TMEM67: variants seen among roughly 807,000 people sequenced by gnomAD.
TMEM67 encodes the protein meckelin.
TMEM67 carries 124 observed loss-of-function variants against 136.6 expected under a neutral mutation model. The ratio of observed to expected loss-of-function variants is 0.91; its 90% CI spans 0.78 to 1.05. The LOEUF (loss-of-function observed/expected upper bound fraction) is 1.05. Ranked by LOEUF, TMEM67 falls within the 50% of genes least tolerant of loss-of-function variation. The pLI is 0.00. For synonymous variants in TMEM67, 364 were observed against 390.5 expected, an observed-to-expected ratio of 0.93 and a Z score of 0.80; for missense variants, 1,107 against 1,178.4, an observed-to-expected ratio of 0.94 and a Z score of 0.89.
rs1443252118 is a variant in TMEM67 at position 93,781,668 on chromosome 8, T to C, written c.989T>C (p.Leu330Pro). The C allele has an allele frequency of 1.9e-6, 3 of 1,595,590 alleles. No homozygotes were observed. The highest frequency in any genetic ancestry group is 3.4e-5 in the Admixed American group (2 of 59,158). ...GTTTTCTTTAATCAGAATACAAAAC[T>C]GAAGTTTGTTGCTGCTTCCTATGAT... ...SFKGENQNTK[L>P]KFVAASYDIR... is the part of the protein sequence containing the mutation. The change falls in exon 10 of 28, where the codon CTG becomes CCG. Residue 330 changes from leucine (L) to proline (P), a missense_variant. Around this residue, in one of 3 missense-constraint regions of TMEM67, gnomAD observed 925 missense variants for 1,002.4 expected, o/e 0.92. Coordinates refer to ENST00000453321, the MANE Select transcript of TMEM67 (RefSeq NM_153704.6).
At chr8:93,797,495 A>C (rs755090356) in intron 20 of TMEM67, 25 bp downstream of exon 20, 11 of 1,605,358 alleles carry the variant, frequency 6.9e-6, no homozygotes, top group Middle Eastern at 1.9e-4. Flanking sequence ...ATGTGATTAT[A>C]TGCGACTTAC....
At chr8:93,826,944 G>T in the TMEM67 span, among the ~76,000 whole-genome samples, 1 of 151,886 alleles carries the variant, frequency 6.6e-6, no homozygotes, top group Non-Finnish European at 1.5e-5. Context: ...ATTCTCCTTC[G>T]TCAGCCTCCC....
At chr8:93,777,015 GCCTCAATTT>G (rs1159343390) in intron 7 of TMEM67, among the ~76,000 whole-genome samples, 1 of 152,098 alleles carries the variant, frequency 6.6e-6, no homozygotes, top group African/African-American at 2.4e-5. Context: ...ATTGATTATT[GCCTCAATTT>G]CAGATGCTGT....
chr8:93,811,330 GAC>G (rs1229222942), intron 26 of TMEM67: 1 of 84,636 alleles, frequency 1.2e-5, no homozygotes, highest in African/African-American at 3.7e-5. Flanking sequence ...AAGAGGCAAA[GAC>G]ATTCATGCAG....
intron 7 of TMEM67, among the ~76,000 whole-genome samples, chr8:93,780,375 C>G (rs1427397390): frequency 6.6e-6 from 1 of 152,104 alleles, no homozygotes; most frequent in African/African-American, 2.4e-5. Flanking sequence ...ATGGGCTGCA[C>G]CCACTGTCCA....
chr8:93,763,251 A>G (rs981445952), intron 3 of TMEM67, among the ~76,000 whole-genome samples: 6 of 152,154 alleles, frequency 3.9e-5, no homozygotes, highest in Admixed American at 3.3e-4. Flanking sequence ...TTTTTAATAT[A>G]TTCCATAGTA....
the TMEM67 span, among the ~76,000 whole-genome samples, chr8:93,832,638 G>T: frequency 6.6e-6 from 1 of 152,146 alleles, no homozygotes; most frequent in Non-Finnish European, 1.5e-5. Context: ...GGAGGCCAAG[G>T]CAGGCGGATC....
At chr8:93,813,210 G>A (rs976423078) in intron 26 of TMEM67, among the ~76,000 whole-genome samples, 2 of 150,910 alleles carry the variant, frequency 1.3e-5, no homozygotes, top group Admixed American at 6.6e-5. Flanking sequence ...ATGGAGTCTC[G>A]CTCTGTTGTC....
chr8:93,791,106 C>G (rs1814355554), intron 14 of TMEM67, 157 bp from the exon 15 acceptor site: 2 of 581,924 alleles, frequency 3.4e-6, no homozygotes, highest in Non-Finnish European at 6.2e-6. Flanking sequence ...AAAAGCATAT[C>G]TATTTACGTG....
In TMEM67 at chr8:93,785,331, C is replaced by T. The variant is rs771570446; in HGVS notation, c.1241C>T (p.Pro414Leu). 6.2e-7 allele frequency: 1 copy of T among 1,611,026 alleles called. No individual in the cohort carries two copies. Among genetic ancestry groups the T allele is most frequent in the Admixed American group, 1.7e-5 (1 of 59,932 alleles). The change falls in exon 12 of 28, where the codon CCT (proline) becomes CTT (leucine). Residue 414 changes from proline to leucine, a missense_variant. Coordinates refer to ENST00000453321, the MANE Select transcript of TMEM67 (RefSeq NM_153704.6). ...ENQHQYILAV[P>L]VLNLNLQHNK... ...CAACATCAATATATTTTGGCTGTGC[C>T]TGTGTTAAACCTAAATCTTCAACAT...
intron 3 of TMEM67, among the ~76,000 whole-genome samples, chr8:93,763,492 C>A (rs1408635861): frequency 6.6e-6 from 1 of 152,132 alleles, no homozygotes; most frequent in African/African-American, 2.4e-5. Context: ...ATACTTGCTT[C>A]CCCATCCTAG....
chr8:93,823,443 G>A (rs1022555264), downstream of TMEM67, among the ~76,000 whole-genome samples: 11 of 151,952 alleles, frequency 7.2e-5, no homozygotes, highest in Non-Finnish European at 1.5e-4. Flanking sequence ...GTGTGTGGGG[G>A]CGTTATTTTG....
At chr8:93,797,029 TA>T in intron 18 of TMEM67, 104 bp from the exon 19 acceptor site, 1 of 735,072 alleles carries the variant, frequency 1.4e-6, no homozygotes, top group Admixed American at 2.0e-5. Context: ...CATAAAATTA[TA>T]TGTTCTTGTG....
At chr8:93,779,012 T>C (rs1464625036) in intron 7 of TMEM67, among the ~76,000 whole-genome samples, 2 of 152,264 alleles carry the variant, frequency 1.3e-5, no homozygotes, top group African/African-American at 2.4e-5. Context: ...AGATTTGGTC[T>C]TTTCACATAG....
intron 26 of TMEM67, chr8:93,811,276 A>C (rs1451674702): frequency 6.6e-6 from 1 of 152,258 alleles, no homozygotes; most frequent in East Asian, 1.9e-4. Context: ...TGGATTTTAA[A>C]AAATCAGTAG....
chr8:93,755,977 T>G (rs1431566934), intron 2 of TMEM67, 111 bp downstream of exon 2: 4 of 643,066 alleles, frequency 6.2e-6, no homozygotes, highest in Non-Finnish European at 5.2e-6. Flanking sequence ...ACTTTAAAAT[T>G]ACTATGCTAA....
intron 7 of TMEM67, among the ~76,000 whole-genome samples, chr8:93,777,167 A>C (rs1008631733): frequency 7.2e-5 from 11 of 152,060 alleles, no homozygotes; most frequent in Non-Finnish European, 1.6e-4. Context: ...CTCTGATAGT[A>C]GTTTGTATTT....
chr8:93,832,344 C>G, the TMEM67 span, among the ~76,000 whole-genome samples: 1 of 152,184 alleles, frequency 6.6e-6, no homozygotes, highest in Non-Finnish European at 1.5e-5. Flanking sequence ...AGAGCTTAAG[C>G]CACTTCCATT....
chr8:93,805,788 G>T (rs915838244), intron 23 of TMEM67, among the ~76,000 whole-genome samples: 1 of 152,168 alleles, frequency 6.6e-6, no homozygotes, highest in African/African-American at 2.4e-5. Flanking sequence ...ATGACTAATG[G>T]ATTGATGAAT....
Sources: gnomAD v4.1 joint callset for allele counts (sites outside exome capture counted in the v4.1 genomes callset) on GRCh38, gnomAD v4.1.1 for gene constraint, gnomAD v4.1.1 regional missense constraint, MANE v1.5 for transcripts, NCBI Gene and HGNC (gene_info 2026-07-23, HGNC 2026-07-21) for gene names.